MCU: variants seen among roughly 807,000 people sequenced by gnomAD.
MCU encodes the protein mitochondrial calcium uniporter.
Under a neutral mutation model 45.2 loss-of-function variants are expected in MCU, and 12 were observed. The ratio of observed to expected loss-of-function variants is 0.27; its 90% confidence interval spans 0.17 to 0.43. The LOEUF is 0.43. MCU is among the 20% of genes least tolerant of loss of function. The pLI, the probability that MCU is intolerant of heterozygous loss-of-function variation, is 1.00. For missense variants in MCU, 324 were observed against 436.7 expected (o/e 0.74, Z 2.30); for synonymous variants, 160 against 165.1 (o/e 0.97, Z 0.24).
chr10:72,810,080 CAT>C, intron 1 of MCU, among the ~76,000 whole-genome samples: 1 of 151,788 alleles, frequency 6.6e-6, no homozygotes, highest in Non-Finnish European at 1.5e-5. Context: ...TAGAACTAGA[CAT>C]GTCTAAGGTT....
chr10:72,850,448 CAA>C (rs2132856213), intron 2 of MCU, among the ~76,000 whole-genome samples: 1 of 152,212 alleles, frequency 6.6e-6, no homozygotes, highest in African/African-American at 2.4e-5. Flanking sequence ...AATAAGCCCT[CAA>C]GATATATACA....
At chr10:72,707,712 C>T (rs898727851) in intron 1 of MCU, among the ~76,000 whole-genome samples, 1 of 151,632 alleles carries the variant, frequency 6.6e-6, no homozygotes, top group African/African-American at 2.4e-5. Flanking sequence ...GGAACTGGAT[C>T]TGTTCCTCTT....
rs10715401 is a variant in MCU at position 72,878,111 on chromosome 10, C to CTTTT, written c.862-6133_862-6130dup. ...TAAATTATTTCTACAAATAATTTTG[C>CTTTT]TTTTTTTTTTTTTTTTTTTTTTTTT... On this transcript the variant is annotated intron_variant, in intron 6 of 7. Coordinates refer to ENST00000373053, the MANE Select transcript of MCU (RefSeq NM_138357.3). 2.2e-3 allele frequency among the ~76,000 whole-genome samples: 174 copies of CTTTT among 77,954 alleles called. 3 individuals are homozygous for CTTTT. Among genetic ancestry groups the CTTTT allele is most frequent in the African/African-American group, 5.8e-3 (99 of 16,964 alleles). 51.1% of individuals were successfully genotyped at this position (77,954 alleles called of 152,430 possible).
At chr10:72,793,732 CTT>C (rs1452085895) in intron 1 of MCU, among the ~76,000 whole-genome samples, 1 of 152,050 alleles carries the variant, frequency 6.6e-6, no homozygotes, top group Non-Finnish European at 1.5e-5. Flanking sequence ...GTCTGTGTGA[CTT>C]AGATTTCCTA....
chr10:72,869,762 TTTTA>T lies in MCU; in HGVS notation c.657+901_657+904del, dbSNP rs558745328. 7.5e-3 allele frequency among the ~76,000 whole-genome samples: 1,143 copies of T among 152,310 alleles called. 5 individuals carry two copies. The highest frequency in any genetic ancestry group is 0.01 in the Non-Finnish European group (711 of 68,024). On this transcript the variant is annotated intron_variant, in intron 5 of 7. Transcript: ENST00000373053. ...TAGGTTATATGCAGATACTATCCCATTTTATATAAGGGACTTTAACATCTATGTA... is the reference window on the plus strand; with the variant it reads ...TAGGTTATATGCAGATACTATCCCATTATAAGGGACTTTAACATCTATGTA...
chr10:72,772,133 T>C (rs533053882), intron 1 of MCU, among the ~76,000 whole-genome samples: 1 of 152,034 alleles, frequency 6.6e-6, no homozygotes, highest in African/African-American at 2.4e-5. Context: ...AGTGGGGAGG[T>C]GGGACTACCA....
At chr10:72,706,372 C>T (rs1256317222) in intron 1 of MCU, among the ~76,000 whole-genome samples, 1 of 152,068 alleles carries the variant, frequency 6.6e-6, no homozygotes, top group Non-Finnish European at 1.5e-5. Context: ...CAATATATAA[C>T]TGAAAACAAA....
chr10:72,776,651 G>T (rs1218348754), intron 1 of MCU, among the ~76,000 whole-genome samples: 1 of 152,158 alleles, frequency 6.6e-6, no homozygotes, highest in Non-Finnish European at 1.5e-5. Flanking sequence ...TCTCTTAGGA[G>T]TGGAAGAAGA....
intron 1 of MCU, among the ~76,000 whole-genome samples, chr10:72,818,889 G>T (rs1224621495): frequency 6.6e-6 from 1 of 150,730 alleles, no homozygotes; most frequent in African/African-American, 2.4e-5. Flanking sequence ...TCTTATCAAT[G>T]CTGTTAAATG....
chr10:72,845,409 G>A lies in MCU; in HGVS notation c.220+10981G>A, dbSNP rs538842112. 1.2e-4 allele frequency among the ~76,000 whole-genome samples: 19 copies of A among 152,020 alleles called. No individual in the cohort carries two copies. In the South Asian group the frequency reaches 3.3e-3, roughly 27 times the overall value. On this transcript the variant is annotated intron_variant, in intron 2 of 7. Coordinates refer to ENST00000373053, the MANE Select transcript of MCU (RefSeq NM_138357.3). ...TCTGGTTTTTCGATATATAAATTACGGTATACAGTCATGCATGTACTGAAT... is the reference window on the plus strand; with the variant it reads ...TCTGGTTTTTCGATATATAAATTACAGTATACAGTCATGCATGTACTGAAT...
At chr10:72,828,273 G>A (rs1010381043) in intron 1 of MCU, among the ~76,000 whole-genome samples, 14 of 152,120 alleles carry the variant, frequency 9.2e-5, no homozygotes, top group Non-Finnish European at 1.8e-4. Flanking sequence ...GGCAGAGTGA[G>A]GCTATTTATA....
chr10:72,715,096 T>C, intron 1 of MCU: 1 of 900,112 alleles, frequency 1.1e-6, no homozygotes, highest in Non-Finnish European at 1.3e-6. Context: ...ACTTTACTTT[T>C]TTCTATTCTT....
At chr10:72,839,759 C>T (rs1845018728) in intron 2 of MCU, among the ~76,000 whole-genome samples, 1 of 150,162 alleles carries the variant, frequency 6.7e-6, no homozygotes, top group African/African-American at 2.5e-5. Flanking sequence ...CGAGACTGTC[C>T]TGGCTAACAC....
intron 1 of MCU, among the ~76,000 whole-genome samples, chr10:72,694,331 A>AGAGAGACTTGGCCAAGGT (rs1842660660): frequency 6.6e-6 from 1 of 152,196 alleles, no homozygotes; most frequent in Non-Finnish European, 1.5e-5. Flanking sequence ...CCCTAAAAAG[A>AGAGAGACTTGGCCAAGGT]GAGAGACTTG....
intron 1 of MCU, among the ~76,000 whole-genome samples, chr10:72,766,279 G>A (rs916546672): frequency 1.3e-5 from 2 of 152,042 alleles, no homozygotes; most frequent in African/African-American, 4.8e-5. Flanking sequence ...TATAGTATAA[G>A]TATGACAAGA....
intron 2 of MCU, among the ~76,000 whole-genome samples, chr10:72,847,380 G>A (rs1190996799): frequency 1.3e-5 from 2 of 152,156 alleles, no homozygotes; most frequent in Non-Finnish European, 2.9e-5. Flanking sequence ...TATAAATTTG[G>A]AAAGGAGAAC....
At chr10:72,873,199 T>C (rs1185635106) in intron 6 of MCU, among the ~76,000 whole-genome samples, 1 of 151,900 alleles carries the variant, frequency 6.6e-6, no homozygotes, top group Non-Finnish European at 1.5e-5. Flanking sequence ...TTTGTATTTT[T>C]AGTAGAGACG....
At chr10:72,805,095 T>TTCTCTC (rs1336369739) in intron 1 of MCU, among the ~76,000 whole-genome samples, 1 of 138,898 alleles carries the variant, frequency 7.2e-6, no homozygotes, top group Non-Finnish European at 1.5e-5. Flanking sequence ...CTTTCTTTCT[T>TTCTCTC]TCTTTCTCTT....
chr10:72,713,947 T>TTG (rs72292523), intron 1 of MCU, among the ~76,000 whole-genome samples: 9,286 of 139,004 alleles, frequency 0.067, 500 homozygotes, highest in East Asian at 0.19. Context: ...CTTTCATCAT[T>TTG]TGTGTGTGTG....
Sources: gnomAD v4.1 joint callset for allele counts (sites outside exome capture counted in the v4.1 genomes callset) on GRCh38, gnomAD v4.1.1 for gene constraint, MANE v1.5 for transcripts, NCBI Gene and HGNC (gene_info 2026-07-23, HGNC 2026-07-21) for gene names.